NAA16: variants seen among roughly 807,000 people sequenced by gnomAD.
NAA16 encodes the protein N-alpha-acetyltransferase 16, NatA auxiliary subunit, also known as NARG1-like protein.
In NAA16, 97 loss-of-function variants were observed where a neutral mutation model predicts 110.3. The observed-to-expected ratio is 0.88, with a 90% CI of 0.75 to 1.04. The LOEUF is 1.04. Among genes scored for constraint, NAA16 ranks in the 50% least tolerant of loss-of-function variants. NAA16 has a pLI of 0.00. For synonymous variants in NAA16, 372 were observed against 330.6 expected (o/e 1.13, Z -1.36); for missense variants, 1,017 against 1,005.1 (o/e 1.01, Z -0.16).
intron 6 of NAA16, 80 bp downstream of exon 6, chr13:41,325,931 G>C (rs185149879): frequency 1.2e-5 from 14 of 1,147,060 alleles, no homozygotes; most frequent in Non-Finnish European, 1.7e-5. Flanking sequence ...TAAGTCTTAC[G>C]TAACAGTTGT....
In NAA16 at chr13:41,358,331, C is replaced by CACT; in HGVS notation, c.1119_1121dup (p.Leu374dup). The stretch of plus-strand genomic sequence containing the variant: ...AATGGGGAGAAGGAACCCCCGACAA[C>CACT]ACTACTCTGGGTTCAGTATTTCCTG... On this transcript the variant is annotated inframe_insertion, in exon 11 of 20. Transcript: ENST00000379406. 1 of 1,613,896 alleles carries CACT rather than the reference C, an allele frequency of 6.2e-7. No individual in the cohort carries two copies.
chr13:41,372,781 C>T lies in NAA16; in HGVS notation c.2106C>T (p.Asn702=). The T allele has an allele frequency of 6.2e-7, 1 of 1,601,836 alleles. No homozygotes were observed. The highest frequency in any genetic ancestry group is 8.5e-7 in the Non-Finnish European group (1 of 1,172,598). The change falls in exon 17 of 20, where the codon AAC becomes AAT. Residue 702 remains asparagine, a synonymous_variant. Transcript: ENST00000379406. The part of the protein sequence containing the change: ...LQSVKRAFAI[N]SNNPWLHECL... ...CTGTCAAACGAGCTTTTGCCATTAA[C>T]AGTAATAACCCATGGTTACATGAAT...
intron 13 of NAA16, 58 bp downstream of exon 13, chr13:41,362,217 A>G: frequency 2.6e-6 from 4 of 1,527,736 alleles, no homozygotes; most frequent in Non-Finnish European, 3.5e-6. Flanking sequence ...AAGCAGGTAG[A>G]TTTCTACACA....
intron 5 of NAA16, among the ~76,000 whole-genome samples, chr13:41,325,347 A>T (rs993744758): frequency 6.6e-6 from 1 of 151,876 alleles, no homozygotes; most frequent in Non-Finnish European, 1.5e-5. Flanking sequence ...TCCAAGGTAT[A>T]CCTGTAATTG....
Position 41,373,186 on chromosome 13 carries a change from T to C in NAA16, c.2155+356T>C, listed in dbSNP as rs2043356375. 5.7e-6 allele frequency: 5 copies of C among 878,356 alleles called. No individual in the cohort carries two copies. The South Asian group carries it at 2.1e-4, about 37-fold the overall frequency. The allele number at this position is 878,356 out of a possible 1,614,324, so 54.4% of individuals were successfully genotyped here. On this transcript the variant is annotated intron_variant, in intron 17 of 19. Transcript: ENST00000379406. ...GCATTTTTAGGCTAGGATGTATTTATATTCCAAAGGAAGAATAATAATTAT... is the reference window on the plus strand; with the variant it reads ...GCATTTTTAGGCTAGGATGTATTTACATTCCAAAGGAAGAATAATAATTAT...
intron 19 of NAA16, 33 bp downstream of exon 19, chr13:41,374,872 A>G: frequency 7.6e-7 from 1 of 1,314,342 alleles, no homozygotes; most frequent in Admixed American, 1.9e-5. Context: ...ATTTATGCTT[A>G]CACAGTGATC....
chr13:41,326,298 A>G (rs1256542429), intron 6 of NAA16, among the ~76,000 whole-genome samples: 1 of 152,212 alleles, frequency 6.6e-6, no homozygotes, highest in Admixed American at 6.5e-5. Flanking sequence ...CTATAGTTTT[A>G]ACAGCATTCA....
chr13:41,337,802 T>A (rs1039581627), intron 9 of NAA16, among the ~76,000 whole-genome samples: 1 of 152,216 alleles, frequency 6.6e-6, no homozygotes, highest in Non-Finnish European at 1.5e-5. Flanking sequence ...TAATAATTTG[T>A]AAATTTGCAG....
chr13:41,361,908 T>A, intron 12 of NAA16, 123 bp from the exon 13 acceptor site: 1 of 1,026,942 alleles, frequency 9.7e-7, no homozygotes. Context: ...GGAAACATAC[T>A]GATATATTTG....
At chr13:41,370,896 T>G (rs1202123778) in intron 15 of NAA16, among the ~76,000 whole-genome samples, 2 of 152,184 alleles carry the variant, frequency 1.3e-5, no homozygotes, top group Non-Finnish European at 2.9e-5. Flanking sequence ...CTGGAAGGAT[T>G]ACATCATCAA....
At chr13:41,372,955 T>G in intron 17 of NAA16, 125 bp downstream of exon 17, 1 of 1,161,560 alleles carries the variant, frequency 8.6e-7, no homozygotes, top group Non-Finnish European at 1.1e-6. Context: ...AGCCCTGATT[T>G]GTATTTTCAT....
At chr13:41,352,761 A>G (rs890340833) in intron 9 of NAA16, among the ~76,000 whole-genome samples, 27 of 152,328 alleles carry the variant, frequency 1.8e-4, no homozygotes, top group Non-Finnish European at 3.5e-4. Flanking sequence ...GAGATATCCT[A>G]TGAATTTTCC....
Position 41,374,851 on chromosome 13 carries a change from T to C in NAA16, c.2397+12T>C. ...ATAAAGATGTAAAGGTAAGTTTTTT[T>C]TCTTTGGCTGATTTATGCTTACACA... On this transcript the variant is annotated intron_variant, in intron 19 of 19. Coordinates refer to ENST00000379406, the MANE Select transcript of NAA16 (RefSeq NM_024561.5). 1 of 1,526,550 alleles carries C rather than the reference T, an allele frequency of 6.6e-7. No individual in the cohort carries two copies. The highest frequency in any genetic ancestry group is 9.0e-7 in the Non-Finnish European group (1 of 1,108,654). 94.6% of individuals were successfully genotyped at this position (1,526,550 alleles called of 1,614,324 possible).
chr13:41,362,822 G>A, intron 13 of NAA16: 1 of 1,289,400 alleles, frequency 7.8e-7, no homozygotes, highest in South Asian at 1.2e-5. Context: ...GGGGCAATCG[G>A]CACCACTGTT....
At chr13:41,338,119 A>G (rs533681995) in intron 9 of NAA16, among the ~76,000 whole-genome samples, 1 of 152,330 alleles carries the variant, frequency 6.6e-6, no homozygotes, top group African/African-American at 2.4e-5. Context: ...ATTATTTAAC[A>G]TTGGGTAAAA....
chr13:41,365,616 C>G (rs1248538373), intron 13 of NAA16, among the ~76,000 whole-genome samples: 1 of 152,112 alleles, frequency 6.6e-6, no homozygotes, highest in African/African-American at 2.4e-5. Flanking sequence ...GAGTGATTAA[C>G]AAGCCAGGTT....
rs759074818 is a variant in NAA16, at chr13:41,375,571, C to T, written c.2564C>T (p.Ala855Val). 1.9e-5 allele frequency: 31 copies of T among 1,613,338 alleles called. No individual in the cohort carries two copies. In the African/African-American group the frequency reaches 3.3e-4, roughly 17 times the overall value. The change falls in exon 20 of 20, where the codon GCT (alanine) becomes GTT (valine). Residue 855 changes from alanine (A) to valine (V), a missense_variant. Coordinates refer to ENST00000379406, the MANE Select transcript of NAA16 (RefSeq NM_024561.5). ...CCTAATGTGGCACTGAACCATACAG[C>T]TAATTATGATGTCTTGGCAAATGAA... ...DNPNVALNHT[A>V]NYDVLANEI
Position 41,358,968 on chromosome 13 carries a change from A to C in NAA16, c.1410+6A>C. ...TGTGCTCCAAGTTCACAAGGGTAGG[A>C]AATAGCATGCATGAGCATGTAATTG... On this transcript the variant is annotated splice_donor_region_variant and intron_variant, in intron 12 of 19. Coordinates refer to ENST00000379406, the MANE Select transcript of NAA16 (RefSeq NM_024561.5). The C allele has an allele frequency of 6.3e-7, 1 of 1,594,882 alleles. No individual in the cohort carries two copies. Among genetic ancestry groups the C allele is most frequent in the South Asian group, 1.1e-5 (1 of 88,872 alleles).
chr13:41,341,809 T>C (rs1201879596), intron 9 of NAA16, among the ~76,000 whole-genome samples: 1 of 151,222 alleles, frequency 6.6e-6, no homozygotes. Context: ...TGTATTGTAG[T>C]CTTTCACATA....
Sources: gnomAD v4.1 joint callset for allele counts (sites outside exome capture counted in the v4.1 genomes callset) on GRCh38, gnomAD v4.1.1 for gene constraint, MANE v1.5 for transcripts, NCBI Gene and HGNC (gene_info 2026-07-23, HGNC 2026-07-21) for gene names.